NXPE4: variants seen among roughly 807,000 people sequenced by gnomAD.
NXPE4 encodes the protein NXPE family member 4.
A neutral mutation model predicts 33.3 loss-of-function variants in NXPE4; 42 were observed. The observed-to-expected ratio is 1.26, with a 90% confidence interval of 0.98 to 1.63. The LOEUF is 1.63. NXPE4 is among the 40% of genes most tolerant of loss of function. NXPE4 has a pLI of 0.00. For synonymous variants in NXPE4, 253 were observed against 234.9 expected, an observed-to-expected ratio of 1.08 and a Z score of -0.71; for missense variants, 709 against 647.6, an observed-to-expected ratio of 1.09 and a Z score of -1.03.
chr11:114,659,463 A>C, the NXPE4 span, among the ~76,000 whole-genome samples: 1 of 152,122 alleles, frequency 6.6e-6, no homozygotes, highest in Non-Finnish European at 1.5e-5. Context: ...AGTGAAGAAA[A>C]AAAAAACAGT....
At chr11:114,593,190 CT>C (rs1285492266) in intron 2 of NXPE4, among the ~76,000 whole-genome samples, 3 of 152,104 alleles carry the variant, frequency 2.0e-5, no homozygotes, top group East Asian at 3.9e-4. Context: ...TTATATAAAA[CT>C]AAAAACTTCT....
At chr11:114,639,020 T>C in the NXPE4 span, among the ~76,000 whole-genome samples, 64,550 of 151,786 alleles carry the variant, frequency 0.43, 15,062 homozygotes, top group African/African-American at 0.61. Context: ...ACATTTAAGT[T>C]TGCAGAGGTT....
At chr11:114,651,533 G>A in the NXPE4 span, among the ~76,000 whole-genome samples, 1 of 152,222 alleles carries the variant, frequency 6.6e-6, no homozygotes, top group African/African-American at 2.4e-5. Context: ...AAGAGAATCC[G>A]AAAAGATTGC....
At chr11:114,613,967 A>T in the NXPE4 span, among the ~76,000 whole-genome samples, 1 of 151,076 alleles carries the variant, frequency 6.6e-6, no homozygotes, top group South Asian at 2.1e-4. Flanking sequence ...TTACCGGTGG[A>T]TAATAAGTAT....
At chr11:114,622,945 A>C in the NXPE4 span, among the ~76,000 whole-genome samples, 1 of 152,124 alleles carries the variant, frequency 6.6e-6, no homozygotes, top group African/African-American at 2.4e-5. Context: ...GTGGGTTACC[A>C]CTGTTACCCA....
the NXPE4 span, among the ~76,000 whole-genome samples, chr11:114,674,060 G>C: frequency 6.6e-6 from 1 of 151,408 alleles, no homozygotes; most frequent in African/African-American, 2.4e-5. Context: ...AGGAGAGAAG[G>C]GGCCTCCAGG....
chr11:114,576,210 T>C (rs2135193445), intron 5 of NXPE4, among the ~76,000 whole-genome samples: 1 of 152,154 alleles, frequency 6.6e-6, no homozygotes, highest in Non-Finnish European at 1.5e-5. Context: ...TCCAGATGGA[T>C]CAAAGACTTA....
At chr11:114,625,467 A>G in the NXPE4 span, among the ~76,000 whole-genome samples, 2 of 152,132 alleles carry the variant, frequency 1.3e-5, no homozygotes, top group African/African-American at 4.8e-5. Context: ...AACCACTGTC[A>G]CCCGGTGGAT....
At chr11:114,634,447 T>C in the NXPE4 span, among the ~76,000 whole-genome samples, 1 of 152,140 alleles carries the variant, frequency 6.6e-6, no homozygotes, top group South Asian at 2.1e-4. Context: ...TCTTTTGCTG[T>C]GCAGCAGCTC....
At chr11:114,630,269 A>T in the NXPE4 span, among the ~76,000 whole-genome samples, 2 of 151,954 alleles carry the variant, frequency 1.3e-5, no homozygotes, top group East Asian at 3.9e-4. Context: ...CTGACTTCAA[A>T]CTATACTAAA....
the NXPE4 span, among the ~76,000 whole-genome samples, chr11:114,676,584 G>A: frequency 6.6e-6 from 1 of 151,958 alleles, no homozygotes; most frequent in African/African-American, 2.4e-5. Context: ...TGTTAGTATG[G>A]TTATTATCAA....
chr11:114,577,374 T>C (rs1439838686), intron 5 of NXPE4, among the ~76,000 whole-genome samples: 1 of 151,712 alleles, frequency 6.6e-6, no homozygotes, highest in African/African-American at 2.4e-5. Context: ...TTAAGAATGA[T>C]ACAGTGGACT....
At chr11:114,633,177 TATG>T in the NXPE4 span, among the ~76,000 whole-genome samples, 2 of 128,904 alleles carry the variant, frequency 1.6e-5, no homozygotes, top group Admixed American at 1.7e-4. Context: ...ATATAATTTA[TATG>T]ATTATATTTT....
chr11:114,664,060 A>C, the NXPE4 span, among the ~76,000 whole-genome samples: 11 of 152,304 alleles, frequency 7.2e-5, no homozygotes, highest in African/African-American at 2.6e-4. Context: ...ACGTTCACAC[A>C]AAAGTTTATA....
In NXPE4 at chr11:114,595,717, T is replaced by C. The variant is rs371295552; in HGVS notation, c.-136A>G. ...TGTCTATACCAAAATAAATTGCAGA[T>C]ATAAGTTGCAGTTTGTTTACCTTTA... On this transcript the variant is annotated 5_prime_UTR_variant, in exon 1 of 6. It adds an upstream start codon to the 5' untranslated region. Coordinates refer to ENST00000375478, the MANE Select transcript of NXPE4 (RefSeq NM_001077639.2). The C allele has an allele frequency of 6.6e-6, 1 of 152,460 alleles. No homozygotes were observed. Among genetic ancestry groups the C allele is most frequent in the African/African-American group, 2.4e-5 (1 of 41,584 alleles). The allele number at this position is 152,460 out of a possible 1,614,324, so 9.4% of individuals were successfully genotyped here. A position where few individuals can be genotyped will look rare whatever the true frequency, so the allele number is the denominator to read the frequency against.
At chr11:114,633,722 T>C in the NXPE4 span, among the ~76,000 whole-genome samples, 1 of 151,882 alleles carries the variant, frequency 6.6e-6, no homozygotes, top group Non-Finnish European at 1.5e-5. Flanking sequence ...GCGTTTGGTT[T>C]TTTGTCCTTG....
At chr11:114,597,702 G>C (rs1949591004), upstream of NXPE4, among the ~76,000 whole-genome samples, 6 of 152,008 alleles carry the variant, frequency 3.9e-5, no homozygotes. Flanking sequence ...TATGAAATGA[G>C]CCTGGAGCAT....
the NXPE4 span, among the ~76,000 whole-genome samples, chr11:114,626,237 A>G: frequency 6.6e-6 from 1 of 152,208 alleles, no homozygotes; most frequent in Non-Finnish European, 1.5e-5. Flanking sequence ...ACAGACAAAC[A>G]AAAAGACAGC....
In NXPE4 at chr11:114,570,727, T is replaced by C. The variant is rs1948866723; in HGVS notation, c.*211A>G. On this transcript the variant is annotated 3_prime_UTR_variant, in exon 6 of 6. Coordinates refer to ENST00000375478, the MANE Select transcript of NXPE4 (RefSeq NM_001077639.2). Reference sequence around the variant, plus strand: ...GGCTCTGATCAAGAAGGGTAGGCTCTTTTCATGAGTATTTTTAGTTTTATT... The same window carrying C: ...GGCTCTGATCAAGAAGGGTAGGCTCCTTTCATGAGTATTTTTAGTTTTATT... The C allele has an allele frequency of 2.2e-6, 1 of 455,230 alleles. No individual in the cohort carries two copies. Among genetic ancestry groups the C allele is most frequent in the Admixed American group, 3.9e-5 (1 of 25,844 alleles). 28.2% of individuals were successfully genotyped at this position (455,230 alleles called of 1,614,324 possible).
Sources: allele counts gnomAD v4.1 joint callset (sites outside exome capture counted in the v4.1 genomes callset), GRCh38; gene constraint gnomAD v4.1.1; transcripts MANE v1.5; gene names NCBI Gene and HGNC (gene_info 2026-07-23, HGNC 2026-07-21).